Variants in SLC25A48 observed in about 807,000 individuals in gnomAD.
SLC25A48 encodes the protein CTC-321K16.1.
Under a neutral mutation model 32.2 loss-of-function variants are expected in SLC25A48, and 29 were observed. The observed-to-expected ratio is 0.90, with a 90% CI of 0.67 to 1.23. SLC25A48 has a LOEUF of 1.23. SLC25A48 is among the 50% of genes most tolerant of loss of function. SLC25A48 has a pLI of 0.00. For synonymous variants in SLC25A48, 164 were observed against 172.3 expected (o/e 0.95, Z 0.38); for missense variants, 399 against 422.7 (o/e 0.94, Z 0.49).
chr5:135,719,327 C>A (rs1449305019), intron 3 of SLC25A48, among the ~76,000 whole-genome samples: 2 of 152,144 alleles, frequency 1.3e-5, no homozygotes, highest in Admixed American at 6.5e-5. Flanking sequence ...TATGTTTGGG[C>A]CCACTAGTGT....
chr5:135,862,027 G>A (rs1760836931), intron 4 of SLC25A48, among the ~76,000 whole-genome samples: 4 of 152,324 alleles, frequency 2.6e-5, no homozygotes, highest in Middle Eastern at 6.8e-3. Context: ...AGGCACCTGT[G>A]AAAAAACCCT....
chr5:135,656,513 C>T (rs1753253388), intron 3 of SLC25A48, among the ~76,000 whole-genome samples: 1 of 152,196 alleles, frequency 6.6e-6, no homozygotes, highest in South Asian at 2.1e-4. Flanking sequence ...ACACCATCTT[C>T]TCCGTGTTCT....
chr5:135,608,213 G>C (rs1231939165), intron 1 of SLC25A48, among the ~76,000 whole-genome samples: 1 of 152,160 alleles, frequency 6.6e-6, no homozygotes, highest in Non-Finnish European at 1.5e-5. Context: ...AAAGTATTAA[G>C]ACTGATCCTT....
At chr5:135,618,429 G>A (rs1752239918) in intron 1 of SLC25A48, among the ~76,000 whole-genome samples, 1 of 152,138 alleles carries the variant, frequency 6.6e-6, no homozygotes, top group African/African-American at 2.4e-5. Flanking sequence ...TTTTTGATAT[G>A]TGAGGGCTTA....
At chr5:135,795,818 A>AG (rs1206218311) in intron 3 of SLC25A48, among the ~76,000 whole-genome samples, 2 of 143,392 alleles carry the variant, frequency 1.4e-5, no homozygotes, top group South Asian at 4.4e-4. Flanking sequence ...CATAATATCC[A>AG]GGGGGGAGAG....
chr5:135,722,013 C>G (rs568531835), intron 3 of SLC25A48, among the ~76,000 whole-genome samples: 110 of 152,360 alleles, frequency 7.2e-4, no homozygotes, highest in African/African-American at 2.6e-3. Flanking sequence ...AAGGCTGTTC[C>G]AAAGCAATCC....
chr5:135,725,794 G>A (rs779156404), intron 3 of SLC25A48, among the ~76,000 whole-genome samples: 3 of 152,040 alleles, frequency 2.0e-5, no homozygotes, highest in Non-Finnish European at 2.9e-5. Flanking sequence ...GTCCTCATCA[G>A]AGGCAGTTAA....
At chr5:135,701,963 T>A (rs1406401249) in intron 3 of SLC25A48, among the ~76,000 whole-genome samples, 1 of 152,254 alleles carries the variant, frequency 6.6e-6, no homozygotes, top group African/African-American at 2.4e-5. Flanking sequence ...TATATATTTA[T>A]CTCTTTAATC....
intron 3 of SLC25A48, among the ~76,000 whole-genome samples, chr5:135,726,426 A>G (rs1281257870): frequency 6.6e-6 from 1 of 152,192 alleles, no homozygotes; most frequent in Non-Finnish European, 1.5e-5. Context: ...CATAATCACA[A>G]GGATCCCTCA....
chr5:135,816,015 C>T (rs1361035440), intron 4 of SLC25A48, among the ~76,000 whole-genome samples: 1 of 152,142 alleles, frequency 6.6e-6, no homozygotes, highest in African/African-American at 2.4e-5. Flanking sequence ...CTGGGGAGGC[C>T]TCAGGAAACT....
At chr5:135,850,335 A>G in intron 2 of SLC25A48, 90 bp from the exon 3 acceptor site, 1 of 1,344,708 alleles carries the variant, frequency 7.4e-7, no homozygotes, top group Non-Finnish European at 1.1e-6. Flanking sequence ...GGGGGTCACT[A>G]TGAGCAGGGC....
chr5:135,747,327 G>T (rs1192047024), intron 3 of SLC25A48, among the ~76,000 whole-genome samples: 2 of 139,264 alleles, frequency 1.4e-5, no homozygotes, highest in Admixed American at 7.0e-5. Flanking sequence ...TTTTTTTTTG[G>T]AGTCTCACTA....
At chr5:135,777,172 T>C (rs1024414075) in intron 3 of SLC25A48, among the ~76,000 whole-genome samples, 11 of 151,900 alleles carry the variant, frequency 7.2e-5, no homozygotes, top group African/African-American at 2.7e-4. Context: ...CCCCGTAATA[T>C]TGTTTATAAT....
At chr5:135,865,457 CA>C (rs1426974878) in intron 4 of SLC25A48, among the ~76,000 whole-genome samples, 9 of 152,188 alleles carry the variant, frequency 5.9e-5, no homozygotes, top group Admixed American at 3.3e-4. Flanking sequence ...CAAATCTAAG[CA>C]GTGCTGTAGG....
rs1010091027 is a variant in SLC25A48 at position 135,834,687 on chromosome 5, C to A, written c.-161C>A. On this transcript the variant is annotated 5_prime_UTR_variant, in exon 1 of 8. Transcript: ENST00000681962. The stretch of plus-strand genomic sequence containing the variant: ...CACTTGGAGAGGTGAGCGCGGCAGC[C>A]CGCGCAGCCGGTGACTGGGGGACTG... 1.3e-6 allele frequency: 1 copy of A among 764,632 alleles called. No individual in the cohort carries two copies. Among genetic ancestry groups the A allele is most frequent in the East Asian group, 2.9e-5 (1 of 34,882 alleles). The allele number at this position is 764,632 out of a possible 1,614,324, so 47.4% of individuals were successfully genotyped here.
intron 1 of SLC25A48, among the ~76,000 whole-genome samples, chr5:135,841,529 T>A (rs1758989901): frequency 6.6e-6 from 1 of 152,206 alleles, no homozygotes. Context: ...ATACAGATTT[T>A]ATTAGTTTTT....
At chr5:135,725,895 C>T (rs1170351328) in intron 3 of SLC25A48, among the ~76,000 whole-genome samples, 1 of 150,260 alleles carries the variant, frequency 6.7e-6, no homozygotes, top group Non-Finnish European at 1.5e-5. Flanking sequence ...AAAAAAAACT[C>T]CACTGTGGTT....
At chr5:135,661,121 C>T (rs1178946106) in intron 3 of SLC25A48, among the ~76,000 whole-genome samples, 2 of 152,206 alleles carry the variant, frequency 1.3e-5, no homozygotes, top group Non-Finnish European at 2.9e-5. Context: ...AAATCTCTAT[C>T]TTAGTGCTGC....
chr5:135,735,800 A>T (rs540389349), intron 3 of SLC25A48, among the ~76,000 whole-genome samples: 1 of 152,152 alleles, frequency 6.6e-6, no homozygotes, highest in Non-Finnish European at 1.5e-5. Context: ...AGAGTTAGAT[A>T]TTGGAATTCC....
Sources: allele counts gnomAD v4.1 joint callset (sites outside exome capture counted in the v4.1 genomes callset), GRCh38; gene constraint gnomAD v4.1.1; transcripts MANE v1.5; gene names NCBI Gene and HGNC (gene_info 2026-07-23, HGNC 2026-07-21).